Variants in C2orf92 observed in about 807,000 individuals in gnomAD.
C2orf92 encodes the protein chromosome 2 open reading frame 92.
chr2:97,699,874 A>G (rs1200427720), intron 6 of C2orf92, among the ~76,000 whole-genome samples: 1 of 152,222 alleles, frequency 6.6e-6, no homozygotes, highest in Non-Finnish European at 1.5e-5. Context: ...AGAGCCTTAG[A>G]GCTGCTGGAT....
intron 3 of C2orf92, among the ~76,000 whole-genome samples, chr2:97,681,535 G>A (rs1475707488): frequency 6.6e-6 from 1 of 152,202 alleles, no homozygotes; most frequent in Non-Finnish European, 1.5e-5. Flanking sequence ...TGCAGTGAAA[G>A]CAATGCCAAG....
At chr2:97,693,113 T>C (rs1430992703) in intron 5 of C2orf92, among the ~76,000 whole-genome samples, 1 of 152,228 alleles carries the variant, frequency 6.6e-6, no homozygotes, top group Non-Finnish European at 1.5e-5. Context: ...GTTCATGTAG[T>C]ATAATGTTCT....
At chr2:97,666,842 CAAAAA>C (rs56257918), upstream of C2orf92, 3 of 68,028 alleles carry the variant, frequency 4.4e-5, no homozygotes, top group Non-Finnish European at 8.2e-5. Flanking sequence ...GACTCTGTCT[CAAAAA>C]AAAAAAAAAA....
chr2:97,665,737 C>CTATATATATATA (rs146865921), upstream of C2orf92: 3 of 29,260 alleles, frequency 1.0e-4, no homozygotes, highest in South Asian at 1.6e-3. Context: ...CTCTCTCTCT[C>CTATATATATATA]TATATATATA....
intron 1 of C2orf92, among the ~76,000 whole-genome samples, chr2:97,672,084 C>T (rs1675435893): frequency 1.3e-5 from 2 of 152,128 alleles, no homozygotes; most frequent in Non-Finnish European, 2.9e-5. Context: ...GGGTTCTGAA[C>T]CACAGCTGTC....
At chr2:97,702,590 T>G (rs1676528821) in intron 7 of C2orf92, 79 bp from the exon 8 acceptor site, 1 of 398,250 alleles carries the variant, frequency 2.5e-6, no homozygotes. Context: ...AGCGTCAGCC[T>G]CCACCACTGC....
chr2:97,691,249 C>T lies in C2orf92; in HGVS notation c.403+922C>T, dbSNP rs59021370. The T allele has an allele frequency of 5.8e-3, 888 of 152,468 alleles. 32 individuals carry two copies. In the East Asian group the frequency reaches 0.093, roughly 16 times the overall value. 9.4% of individuals were successfully genotyped at this position (152,468 alleles called of 1,614,324 possible). Reference sequence around the variant, plus strand: ...GGAGGAGCAGATCAGAATGTTTATTCTCTGCAGGCAGACGGATGCCAGCCA... The same window carrying T: ...GGAGGAGCAGATCAGAATGTTTATTTTCTGCAGGCAGACGGATGCCAGCCA... On this transcript the variant is annotated intron_variant, in intron 5 of 7. Transcript: ENST00000627399.
At chr2:97,683,117 CAT>C (rs1452937499) in intron 3 of C2orf92, among the ~76,000 whole-genome samples, 10 of 150,768 alleles carry the variant, frequency 6.6e-5, no homozygotes, top group Admixed American at 1.3e-4. Flanking sequence ...CACACACAAA[CAT>C]ATTAAAACCA....
chr2:97,702,768 A>G lies in C2orf92; in HGVS notation c.765A>G (p.Lys255=). The change falls in exon 8 of 8, where the codon AAA becomes AAG. Residue 255 remains lysine, a synonymous_variant. Coordinates refer to ENST00000627399, the MANE Select transcript of C2orf92 (RefSeq NM_001351368.2). ...AAAATTTCACAAAACTTGCAAAAAA[A>G]CAGAAACAGTTGAAGAGCAGCTCCT... The part of the protein sequence containing the change: ...EEKNFTKLAK[K]QKQLKSSSCV The G allele has an allele frequency of 2.5e-6, 1 of 399,056 alleles. No homozygotes were observed. 24.7% of individuals were successfully genotyped at this position (399,056 alleles called of 1,614,324 possible).
chr2:97,678,016 C>T (rs1297185880), intron 3 of C2orf92, among the ~76,000 whole-genome samples: 14 of 151,874 alleles, frequency 9.2e-5, no homozygotes, highest in African/African-American at 1.9e-4. Context: ...CTGGCTAACA[C>T]GGTGAAATCC....
At chr2:97,672,113 A>G (rs2104534832) in intron 1 of C2orf92, among the ~76,000 whole-genome samples, 1 of 152,188 alleles carries the variant, frequency 6.6e-6, no homozygotes, top group Non-Finnish European at 1.5e-5. Context: ...GAAGCTGTCC[A>G]AAGGCCAGTG....
intron 3 of C2orf92, among the ~76,000 whole-genome samples, chr2:97,679,402 A>G (rs1256025400): frequency 6.6e-6 from 1 of 152,232 alleles, no homozygotes; most frequent in Non-Finnish European, 1.5e-5. Flanking sequence ...TTTGTATACT[A>G]TTGAAACTAA....
intron 5 of C2orf92, among the ~76,000 whole-genome samples, chr2:97,692,968 T>C (rs1435762830): frequency 6.6e-6 from 1 of 152,230 alleles, no homozygotes; most frequent in Non-Finnish European, 1.5e-5. Context: ...CATACATATA[T>C]TTATACTGAG....
intron 1 of C2orf92, chr2:97,671,565 T>C: frequency 2.5e-6 from 1 of 398,600 alleles, no homozygotes; most frequent in East Asian, 3.6e-5. Flanking sequence ...TGGTCCTCAT[T>C]GTCTCCCAGG....
chr2:97,665,023 C>G (rs938881779), upstream of C2orf92, among the ~76,000 whole-genome samples: 3 of 152,212 alleles, frequency 2.0e-5, no homozygotes, highest in Non-Finnish European at 4.4e-5. Flanking sequence ...TATATTAAAT[C>G]CTTGCAACAA....
At chr2:97,688,072 C>G (rs1350920148) in intron 3 of C2orf92, among the ~76,000 whole-genome samples, 4 of 152,144 alleles carry the variant, frequency 2.6e-5, no homozygotes. Flanking sequence ...ACCAGCCCAG[C>G]TCACACCAGG....
chr2:97,681,569 C>T (rs1194063404), intron 3 of C2orf92, among the ~76,000 whole-genome samples: 1 of 152,104 alleles, frequency 6.6e-6, no homozygotes, highest in East Asian at 1.9e-4. Flanking sequence ...GATATAAATG[C>T]ATTCATTAAA....
upstream of C2orf92, chr2:97,666,897 C>T (rs887771706): frequency 1.3e-5 from 2 of 150,970 alleles, no homozygotes; most frequent in African/African-American, 4.9e-5. Flanking sequence ...CACCCTGTCT[C>T]TCCTAGGCTC....
chr2:97,673,068 C>G (rs1013403900), intron 1 of C2orf92, among the ~76,000 whole-genome samples: 20 of 152,330 alleles, frequency 1.3e-4, no homozygotes, highest in South Asian at 1.0e-3. Context: ...GCTTTATAAA[C>G]AAAGAGATTT....
Sources: allele counts gnomAD v4.1 joint callset (sites outside exome capture counted in the v4.1 genomes callset), GRCh38; gene constraint gnomAD v4.1.1; transcripts MANE v1.5; gene names NCBI Gene and HGNC (gene_info 2026-07-23, HGNC 2026-07-21).